Variants in TRIM51G observed in about 807,000 individuals in gnomAD.
The protein encoded by TRIM51G is tripartite motif-containing protein 51G.
At chr11:48,978,860 G>T in the TRIM51G span, 11 of 1,152,258 alleles carry the variant, frequency 9.5e-6, no homozygotes, top group East Asian at 1.9e-4. Flanking sequence ...ATAACCCATG[G>T]TCAGTCCGTA....
At chr11:48,975,644 G>T in the TRIM51G span, 6 of 1,419,920 alleles carry the variant, frequency 4.2e-6, no homozygotes, top group Non-Finnish European at 5.0e-6. Context: ...GTGTCTGTAG[G>T]TCTTGGAACA....
chr11:48,981,535 T>G, the TRIM51G span: 1 of 1,602,946 alleles, frequency 6.2e-7, no homozygotes, highest in Middle Eastern at 2.3e-4. Context: ...CTTCTTGCAT[T>G]TAGAGCACTG....
At chr11:48,977,050 C>T in the TRIM51G span, 1 of 765,284 alleles carries the variant, frequency 1.3e-6, no homozygotes, top group Non-Finnish European at 2.4e-6. Context: ...AGAAGTAATA[C>T]ATTGTGGGAA....
the TRIM51G span, among the ~76,000 whole-genome samples, chr11:48,976,188 C>T: frequency 6.6e-6 from 1 of 151,980 alleles, no homozygotes; most frequent in Non-Finnish European, 1.5e-5. Flanking sequence ...AAACAATACC[C>T]TAAAAACAGA....
the TRIM51G span, among the ~76,000 whole-genome samples, chr11:48,980,556 G>A: frequency 2.6e-5 from 4 of 152,124 alleles, no homozygotes; most frequent in Non-Finnish European, 5.9e-5. Flanking sequence ...CCTTAGAAGA[G>A]TCACCTGAAA....
chr11:48,975,751 T>C, the TRIM51G span: 407 of 1,567,074 alleles, frequency 2.6e-4, 2 homozygotes, highest in African/African-American at 5.0e-3. Context: ...ATCTATCATG[T>C]CATTCTGTCT....
chr11:48,977,327 A>G, the TRIM51G span: 4 of 527,688 alleles, frequency 7.6e-6, no homozygotes, highest in African/African-American at 5.8e-5. Flanking sequence ...TTTCAAATTC[A>G]TTCTTATTCA....
chr11:48,979,493 A>T, the TRIM51G span, among the ~76,000 whole-genome samples: 1 of 152,112 alleles, frequency 6.6e-6, no homozygotes, highest in Non-Finnish European at 1.5e-5. Context: ...TGATGACATG[A>T]CCACAGACTA....
the TRIM51G span, among the ~76,000 whole-genome samples, chr11:48,978,573 A>T: frequency 6.6e-6 from 1 of 152,176 alleles, no homozygotes; most frequent in South Asian, 2.1e-4. Context: ...TTCTCATTTT[A>T]TCTACTTTCA....
At chr11:48,975,829 C>T in the TRIM51G span, 735 of 1,368,788 alleles carry the variant, frequency 5.4e-4, 4 homozygotes, top group East Asian at 0.013. Flanking sequence ...GTTAAACTCC[C>T]AATAAAATTT....
the TRIM51G span, among the ~76,000 whole-genome samples, chr11:48,978,698 T>C: frequency 6.6e-6 from 1 of 152,176 alleles, no homozygotes; most frequent in African/African-American, 2.4e-5. Context: ...GGACCTTCGG[T>C]CTGGTAGAAT....
At chr11:48,975,584 C>T in the TRIM51G span, 1 of 1,386,290 alleles carries the variant, frequency 7.2e-7, no homozygotes, top group Non-Finnish European at 1.0e-6. Flanking sequence ...CTTCTATCCA[C>T]ATCAACAAAG....
At chr11:48,981,260 A>C in the TRIM51G span, 1 of 1,602,270 alleles carries the variant, frequency 6.2e-7, no homozygotes, top group Non-Finnish European at 8.5e-7. Context: ...CTGTATAGAA[A>C]TAGATCTTCA....
At chr11:48,980,945 T>A in the TRIM51G span, 1 of 502,902 alleles carries the variant, frequency 2.0e-6, no homozygotes, top group African/African-American at 1.9e-5. Context: ...TATTCAGGTT[T>A]CTGTGATTTT....
the TRIM51G span, chr11:48,975,840 G>T: frequency 1.9e-4 from 242 of 1,268,966 alleles, 1 homozygote; most frequent in Non-Finnish European, 2.7e-4. Context: ...AATAAAATTT[G>T]CCAGATATGA....
chr11:48,981,962 A>G, the TRIM51G span, among the ~76,000 whole-genome samples: 115 of 152,256 alleles, frequency 7.6e-4, 2 homozygotes, highest in African/African-American at 2.6e-3. Flanking sequence ...TCAAAAACCT[A>G]TTCCCTGGAT....
chr11:48,979,711 C>T, the TRIM51G span, among the ~76,000 whole-genome samples: 3 of 151,408 alleles, frequency 2.0e-5, no homozygotes, highest in East Asian at 1.9e-4. Flanking sequence ...CATATATGTA[C>T]TCATATATAT....
chr11:48,978,879 A>T, the TRIM51G span: 2 of 1,381,178 alleles, frequency 1.4e-6, no homozygotes, highest in Non-Finnish European at 2.1e-6. Flanking sequence ...TACCTGGAAT[A>T]GCTCCACAAC....
At chr11:48,978,941 C>G in the TRIM51G span, 4 of 1,589,922 alleles carry the variant, frequency 2.5e-6, no homozygotes, top group Non-Finnish European at 3.5e-6. Flanking sequence ...TTAAAAGCTC[C>G]CTGGAATGTT....
Sources: gnomAD v4.1 joint callset for allele counts (sites outside exome capture counted in the v4.1 genomes callset) on GRCh38, gnomAD v4.1.1 for gene constraint, MANE v1.5 for transcripts, NCBI Gene and HGNC (gene_info 2026-07-23, HGNC 2026-07-21) for gene names.